Variants in GPR146 observed in about 807,000 individuals in gnomAD.
The protein encoded by GPR146 is G-protein coupled receptor 146.
For missense variants in GPR146, 381 were observed against 213.9 expected (o/e 1.78, Z -4.87); for synonymous variants, 203 against 104.3 (o/e 1.95, Z -5.77).
At chr7:1,055,825 T>C (rs548736135) in intron 1 of GPR146, among the ~76,000 whole-genome samples, 1 of 152,222 alleles carries the variant, frequency 6.6e-6, no homozygotes, top group South Asian at 2.1e-4. Flanking sequence ...CCGGGGGCCC[T>C]GGGCGCCCCG....
chr7:1,051,893 G>A (rs1219735410), intron 1 of GPR146, among the ~76,000 whole-genome samples: 1 of 152,194 alleles, frequency 6.6e-6, no homozygotes, highest in Non-Finnish European at 1.5e-5. Context: ...TGGGAGGATC[G>A]CTTGAGCCCA....
Position 1,052,722 on chromosome 7 carries a change from C to T in GPR146, c.-24-4770C>T, listed in dbSNP as rs965447977. Among the ~76,000 whole-genome samples the T allele has an allele frequency of 6.6e-6, 1 of 152,054 alleles. No homozygotes were observed. Among genetic ancestry groups the T allele is most frequent in the African/African-American group, 2.4e-5 (1 of 41,390 alleles). On this transcript the variant is annotated intron_variant, in intron 1 of 1. Coordinates refer to ENST00000444847, the MANE Select transcript of GPR146 (RefSeq NM_001303473.2). This position sits in a 1 kb window ranked among gnomAD's most constrained non-coding sequence, Gnocchi z 4.2. Reference sequence around the variant, plus strand: ...GGGCCCCGGAAGCTGAATATCACCCCCGCCACCGGGCAGGCAGTGCTCAGA... The same window carrying T: ...GGGCCCCGGAAGCTGAATATCACCCTCGCCACCGGGCAGGCAGTGCTCAGA...
At chr7:1,045,560 A>G (rs1782498636) in intron 1 of GPR146, 1 of 152,244 alleles carries the variant, frequency 6.6e-6, no homozygotes, top group Non-Finnish European at 1.5e-5. Context: ...CAGGCTCCTC[A>G]CGCATAGTGG....
intron 1 of GPR146, among the ~76,000 whole-genome samples, chr7:1,050,951 C>T (rs931650722): frequency 2.0e-5 from 3 of 152,240 alleles, no homozygotes; most frequent in South Asian, 2.1e-4. Flanking sequence ...CTGGAGATGG[C>T]GGCCATGCCG....
chr7:1,050,223 C>T lies in GPR146; in HGVS notation c.-25+5565C>T, dbSNP rs540977174. On this transcript the variant is annotated intron_variant, in intron 1 of 1. Coordinates refer to ENST00000444847, the MANE Select transcript of GPR146 (RefSeq NM_001303473.2). ...CTGTGCACCCTGTGGGCAGTGACTCCTCAGGCACAGTGGCCCAAAGTCACA... is the reference window on the plus strand; with the variant it reads ...CTGTGCACCCTGTGGGCAGTGACTCTTCAGGCACAGTGGCCCAAAGTCACA... Among the ~76,000 whole-genome samples, 4 of 152,322 alleles carry T rather than the reference C, an allele frequency of 2.6e-5. No individual in the cohort carries two copies. In the South Asian group the frequency reaches 8.3e-4, roughly 32 times the overall value.
intron 1 of GPR146, among the ~76,000 whole-genome samples, chr7:1,054,254 A>G (rs1783485248): frequency 6.6e-6 from 1 of 152,264 alleles, no homozygotes; most frequent in Non-Finnish European, 1.5e-5. Context: ...CGGAGAGTGA[A>G]GGAAAACAGG....
intron 1 of GPR146, among the ~76,000 whole-genome samples, chr7:1,048,142 G>T (rs1583551698): frequency 6.6e-6 from 1 of 152,182 alleles, no homozygotes; most frequent in East Asian, 1.9e-4. Flanking sequence ...TTTGCTGAGA[G>T]AACGAGGGGA....
chr7:1,054,707 C>T (rs1321525263), intron 1 of GPR146, among the ~76,000 whole-genome samples: 1 of 152,220 alleles, frequency 6.6e-6, no homozygotes, highest in African/African-American at 2.4e-5. Context: ...GCTGGCCCCA[C>T]GCGGTTCCAC....
At chr7:1,053,027 G>C (rs929574754) in intron 1 of GPR146, among the ~76,000 whole-genome samples, 1 of 152,244 alleles carries the variant, frequency 6.6e-6, no homozygotes, top group African/African-American at 2.4e-5. Flanking sequence ...GAAGTCAGCA[G>C]AGTGCATGGC....
chr7:1,057,514 C>T lies in GPR146; in HGVS notation c.-2C>T, dbSNP rs1470962188. On this transcript the variant is annotated 5_prime_UTR_variant, in exon 2 of 2. Transcript: ENST00000444847. ...CAGGGTCGCGGAGCCTCGCCGGCCG[C>T]CATGTGGAGCTGCAGCTGGTTCAAC... 3 of 766,486 alleles carry T rather than the reference C, an allele frequency of 3.9e-6. No individual in the cohort carries two copies. The highest frequency in any genetic ancestry group is 1.7e-5 in the Admixed American group (1 of 58,528). 47.5% of individuals were successfully genotyped at this position (766,486 alleles called of 1,614,324 possible).
intron 1 of GPR146, among the ~76,000 whole-genome samples, chr7:1,046,716 G>A (rs1344610707): frequency 1.6e-5 from 2 of 121,864 alleles, no homozygotes; most frequent in Non-Finnish European, 4.1e-5. Context: ...ACAAGGTGGA[G>A]GTGGGGCAGG....
intron 1 of GPR146, among the ~76,000 whole-genome samples, chr7:1,053,220 C>T (rs540820137): frequency 7.5e-4 from 114 of 152,362 alleles, no homozygotes; most frequent in Non-Finnish European, 1.0e-3. Context: ...CCGCCTGGGC[C>T]AGGCCAGGCT....
chr7:1,050,971 G>T (rs1052514784), intron 1 of GPR146, among the ~76,000 whole-genome samples: 1 of 152,232 alleles, frequency 6.6e-6, no homozygotes, highest in Admixed American at 6.5e-5. Context: ...GTCAGAGAGG[G>T]GGATGGACAG....
Position 1,057,787 on chromosome 7 carries a change from G to T in GPR146, c.272G>T (p.Arg91Leu). The change falls in exon 2 of 2, where the codon CGG (arginine) becomes CTG (leucine). Residue 91 changes from arginine to leucine, a missense_variant. By Grantham distance (102) the Arg-to-Leu change is moderately radical. Transcript: ENST00000444847. ...PVHLLGPPSS[R>L]WALWSVGGEV... The stretch of plus-strand genomic sequence containing the variant: ...CACCTGCTCGGCCCCCCGAGCTCCC[G>T]GTGGGCGCTGTGGAGTGTGGGCGGC... The T allele has an allele frequency of 1.3e-6, 1 of 775,994 alleles. No homozygotes were observed. 48.1% of individuals were successfully genotyped at this position (775,994 alleles called of 1,614,324 possible). A position where few individuals can be genotyped will look rare whatever the true frequency, so the allele number is the denominator to read the frequency against.
In GPR146 at chr7:1,058,775, G is replaced by A. The variant is rs1489738573; in HGVS notation, c.*258G>A. On this transcript the variant is annotated 3_prime_UTR_variant, in exon 2 of 2. Transcript: ENST00000444847. ...CAGCTCAAGGTCCACATCCGCAAAA[G>A]CCTCCTCGCCTTCAGCCTCCTCAGC... 1 of 504,474 alleles carries A rather than the reference G, an allele frequency of 2.0e-6. No individual in the cohort carries two copies. The highest frequency in any genetic ancestry group is 1.9e-5 in the African/African-American group (1 of 52,344). 31.2% of individuals were successfully genotyped at this position (504,474 alleles called of 1,614,324 possible).
intron 1 of GPR146, among the ~76,000 whole-genome samples, chr7:1,055,741 T>C (rs1295948639): frequency 1.3e-5 from 2 of 152,096 alleles, no homozygotes; most frequent in African/African-American, 4.8e-5. Context: ...TGTCAGTGAC[T>C]GGAGGCAGCA....
intron 1 of GPR146, chr7:1,045,282 C>G (rs1782472825): frequency 6.6e-6 from 1 of 152,246 alleles, no homozygotes; most frequent in Non-Finnish European, 1.5e-5. Flanking sequence ...TGGCTTATCT[C>G]TGCATGCATG....
At chr7:1,055,513 G>C in intron 1 of GPR146, 1 of 451,554 alleles carries the variant, frequency 2.2e-6, no homozygotes, top group Non-Finnish European at 4.4e-6. Context: ...GCAGGTGGGA[G>C]AGGGGACGTG....
At chr7:1,044,763 G>GCGCTT (rs1438819552) in intron 1 of GPR146, 105 bp downstream of exon 1, 1 of 152,056 alleles carries the variant, frequency 6.6e-6, no homozygotes, top group Non-Finnish European at 1.5e-5. Flanking sequence ...GGCGGGCGCT[G>GCGCTT]CGCTTACTGG....
Sources: gnomAD v4.1 joint callset for allele counts (sites outside exome capture counted in the v4.1 genomes callset) on GRCh38, gnomAD v4.1.1 for gene constraint, Gnocchi (gnomAD v3.1) non-coding constraint, MANE v1.5 for transcripts, NCBI Gene and HGNC (gene_info 2026-07-23, HGNC 2026-07-21) for gene names.